Variants in BCHE observed in about 807,000 individuals in gnomAD.
BCHE encodes butyrylcholinesterase, also known as cholinesterase.
Under a neutral mutation model 51.3 loss-of-function variants are expected in BCHE, and 48 were observed. That is an observed-to-expected ratio of 0.94 (90% CI 0.74 to 1.19). The LOEUF (loss-of-function observed/expected upper bound fraction) is 1.19. Among genes scored for constraint, BCHE ranks in the 50% most tolerant of loss-of-function variants. The pLI is 0.00. For missense variants in BCHE, 847 were observed against 708.2 expected (o/e 1.20, Z -2.23); for synonymous variants, 251 against 238.0 (o/e 1.05, Z -0.50).
intron 2 of BCHE, 67 bp downstream of exon 2, chr3:165,829,450 G>A: frequency 7.4e-7 from 1 of 1,343,962 alleles, no homozygotes; most frequent in East Asian, 2.3e-5. Context: ...CTACCCCAGA[G>A]ACCAAGCAAA....
chr3:165,828,905 A>C (rs1714838065), intron 2 of BCHE, among the ~76,000 whole-genome samples: 1 of 152,150 alleles, frequency 6.6e-6, no homozygotes, highest in Non-Finnish European at 1.5e-5. Context: ...AAGACTGCTC[A>C]GGTGGAGAAC....
chr3:165,819,005 T>C (rs1351998909), intron 2 of BCHE, among the ~76,000 whole-genome samples: 1 of 152,048 alleles, frequency 6.6e-6, no homozygotes, highest in Non-Finnish European at 1.5e-5. Flanking sequence ...AGTCAAGGCC[T>C]TTCTTTGGAG....
Position 165,830,381 on chromosome 3 carries a change from T to C in BCHE, c.653A>G (p.Lys218Arg), listed in dbSNP as rs143560894. ...KNIAAFGGNP[K>R]SVTLFGESAG... ...ACTTTCTCCAAAGAGAGTTACACTTTTAGGATTTCCACCAAAGGCTGCTAT... is the reference window on the plus strand; with the variant it reads ...ACTTTCTCCAAAGAGAGTTACACTTCTAGGATTTCCACCAAAGGCTGCTAT... Residue 218 changes from lysine (K) to arginine (R), a missense_variant, in exon 2 of 4, where the codon AAA becomes AGA. Lys to Arg is a conservative substitution (Grantham distance 26). Coordinates refer to ENST00000264381, the MANE Select transcript of BCHE (RefSeq NM_000055.4). 58 of 1,613,880 alleles carry C rather than the reference T, an allele frequency of 3.6e-5. No homozygotes were observed. The highest frequency in any genetic ancestry group is 4.6e-5 in the Non-Finnish European group (54 of 1,179,928).
chr3:165,808,015 G>A (rs960695704), intron 2 of BCHE, among the ~76,000 whole-genome samples: 1 of 149,830 alleles, frequency 6.7e-6, no homozygotes, highest in African/African-American at 2.5e-5. Flanking sequence ...ACAGAGTCTC[G>A]CTCTGTCGCC....
At chr3:165,789,804 C>A (rs1051686029) in intron 2 of BCHE, among the ~76,000 whole-genome samples, 1 of 151,608 alleles carries the variant, frequency 6.6e-6, no homozygotes, top group Admixed American at 6.6e-5. Context: ...ATAAGAAGAC[C>A]TAAATTTAGA....
intron 2 of BCHE, among the ~76,000 whole-genome samples, chr3:165,789,475 A>G (rs900551459): frequency 6.6e-6 from 1 of 152,186 alleles, no homozygotes; most frequent in South Asian, 2.1e-4. Flanking sequence ...AAAATAAAGT[A>G]TTCTTGGAAT....
intron 2 of BCHE, among the ~76,000 whole-genome samples, chr3:165,816,405 G>C (rs142834028): frequency 1.9e-3 from 284 of 151,958 alleles, no homozygotes; most frequent in African/African-American, 6.7e-3. Context: ...CCATGAAAAA[G>C]CAAGGCCAAT....
intron 2 of BCHE, among the ~76,000 whole-genome samples, chr3:165,792,375 T>C (rs1713203271): frequency 6.6e-6 from 1 of 152,118 alleles, no homozygotes; most frequent in Non-Finnish European, 1.5e-5. Flanking sequence ...AATTTAAGAA[T>C]AAAAAATCTT....
At chr3:165,786,038 AG>A in intron 3 of BCHE, 106 bp downstream of exon 3, 2 of 1,199,898 alleles carry the variant, frequency 1.7e-6, no homozygotes, top group Non-Finnish European at 2.4e-6. Context: ...TTTTAAAGTC[AG>A]AGATACATAT....
intron 3 of BCHE, among the ~76,000 whole-genome samples, chr3:165,775,131 A>C (rs1191273506): frequency 6.6e-6 from 1 of 152,096 alleles, no homozygotes; most frequent in Non-Finnish European, 1.5e-5. Context: ...AAATTAATTA[A>C]ACTTTGTAAG....
intron 2 of BCHE, among the ~76,000 whole-genome samples, chr3:165,824,157 GA>G (rs1344668931): frequency 6.6e-6 from 1 of 151,134 alleles, no homozygotes; most frequent in Non-Finnish European, 1.5e-5. Context: ...TGAATAAGAG[GA>G]AAACATCAAT....
Position 165,773,509 on chromosome 3 carries a change from G to T in BCHE, c.1685-3C>A, listed in dbSNP as rs745984988. 24 of 1,602,446 alleles carry T rather than the reference G, an allele frequency of 1.5e-5. No individual in the cohort carries two copies. In the East Asian group the frequency reaches 5.4e-4, roughly 36 times the overall value. On this transcript the variant is annotated splice_polypyrimidine_tract_variant and splice_region_variant and intron_variant, in intron 3 of 3. Transcript: ENST00000264381. ...CCATTCTGCTTCATCAATATTTCCTGTAAAATATGGAATAAGTTGTATTAA... is the reference window on the plus strand; with the variant it reads ...CCATTCTGCTTCATCAATATTTCCTTTAAAATATGGAATAAGTTGTATTAA...
At chr3:165,821,166 A>G (rs1200452533) in intron 2 of BCHE, among the ~76,000 whole-genome samples, 1 of 151,928 alleles carries the variant, frequency 6.6e-6, no homozygotes. Flanking sequence ...TATTATTTTG[A>G]TATATTGAAG....
chr3:165,829,406 T>C (rs1203502341), intron 2 of BCHE, 111 bp downstream of exon 2: 1 of 984,226 alleles, frequency 1.0e-6, no homozygotes, highest in East Asian at 2.5e-5. Flanking sequence ...ATAGAACAAA[T>C]AATTAAAACA....
chr3:165,786,974 C>G (rs906441396), intron 2 of BCHE, among the ~76,000 whole-genome samples: 9 of 151,698 alleles, frequency 5.9e-5, no homozygotes, highest in African/African-American at 9.7e-5. Context: ...TACACCCAGC[C>G]AATAGGAGTT....
chr3:165,827,309 T>C (rs977887816), intron 2 of BCHE, among the ~76,000 whole-genome samples: 4 of 152,040 alleles, frequency 2.6e-5, no homozygotes, highest in Non-Finnish European at 5.9e-5. Context: ...AACATCTTGT[T>C]ATTGCCACAC....
At chr3:165,813,606 CT>C (rs1714192542) in intron 2 of BCHE, among the ~76,000 whole-genome samples, 1 of 151,688 alleles carries the variant, frequency 6.6e-6, no homozygotes, top group Non-Finnish European at 1.5e-5. Context: ...ACTTCAAAAT[CT>C]TTTCTAGTCC....
intron 1 of BCHE, among the ~76,000 whole-genome samples, chr3:165,834,978 G>T (rs541474210): frequency 6.6e-6 from 1 of 151,924 alleles, no homozygotes; most frequent in Admixed American, 6.6e-5. Flanking sequence ...TCTGAATTTA[G>T]ATCAATTTGC....
chr3:165,787,478 A>G (rs1317474474), intron 2 of BCHE, among the ~76,000 whole-genome samples: 1 of 151,876 alleles, frequency 6.6e-6, no homozygotes, highest in East Asian at 1.9e-4. Context: ...GTCTAAAAAA[A>G]GGGCCACAAA....
Sources: gnomAD v4.1 joint callset for allele counts (sites outside exome capture counted in the v4.1 genomes callset) on GRCh38, gnomAD v4.1.1 for gene constraint, MANE v1.5 for transcripts, NCBI Gene and HGNC (gene_info 2026-07-23, HGNC 2026-07-21) for gene names.